The following MYO9B variants were observed in gnomAD, a reference collection of about 807,000 sequenced individuals.
The protein encoded by MYO9B is unconventional myosin-IXb.
MYO9B carries 71 observed loss-of-function variants against 229.5 expected under a neutral mutation model. That is an observed-to-expected ratio of 0.31 (90% CI 0.26 to 0.38). The LOEUF (loss-of-function observed/expected upper bound fraction) is 0.38. Ranked by LOEUF, MYO9B falls within the 10% of genes least tolerant of loss-of-function variation. The pLI is 1.00. For missense variants in MYO9B, 2,255 were observed against 2,920.5 expected, an observed-to-expected ratio of 0.77 and a Z score of 5.25; for synonymous variants, 1,185 against 1,235.8, an observed-to-expected ratio of 0.96 and a Z score of 0.86.
At chr19:17,151,530 C>T (rs896829125) in intron 3 of MYO9B, among the ~76,000 whole-genome samples, 2 of 152,138 alleles carry the variant, frequency 1.3e-5, no homozygotes, top group Non-Finnish European at 2.9e-5. Context: ...CCACAAAAGA[C>T]GTCAATGTAT....
chr19:17,085,845 T>C (rs2057577415), intron 1 of MYO9B, among the ~76,000 whole-genome samples: 1 of 152,130 alleles, frequency 6.6e-6, no homozygotes, highest in African/African-American at 2.4e-5. Flanking sequence ...ACAGATGAGC[T>C]GTGTGATTGC....
chr19:17,169,017 C>T (rs573727944), intron 11 of MYO9B, among the ~76,000 whole-genome samples: 5 of 152,052 alleles, frequency 3.3e-5, no homozygotes, highest in Non-Finnish European at 7.4e-5. Context: ...TCTAAGGAAC[C>T]GCTACAAGCC....
intron 1 of MYO9B, among the ~76,000 whole-genome samples, chr19:17,088,262 CAT>C (rs910060939): frequency 1.1e-4 from 16 of 152,240 alleles, no homozygotes; most frequent in African/African-American, 3.4e-4. Flanking sequence ...TCTGTGTGCA[CAT>C]GTCTCTTTTC....
chr19:17,196,329 C>T (rs929524443), intron 22 of MYO9B, among the ~76,000 whole-genome samples: 8 of 151,490 alleles, frequency 5.3e-5, no homozygotes, highest in African/African-American at 1.9e-4. Context: ...AGATAGAAGA[C>T]AGGTAGTAAT....
chr19:17,197,889 A>G (rs777723462), intron 23 of MYO9B, 31 bp downstream of exon 23: 1 of 1,609,596 alleles, frequency 6.2e-7, no homozygotes, highest in Non-Finnish European at 8.5e-7. Context: ...CCCCGTCTCC[A>G]CTAAAAATAC....
intron 2 of MYO9B, among the ~76,000 whole-genome samples, chr19:17,110,657 T>G (rs1324813070): frequency 6.6e-6 from 1 of 152,008 alleles, no homozygotes; most frequent in Admixed American, 6.6e-5. Context: ...TAAGGATCCT[T>G]GCTTGTCAGG....
chr19:17,086,120 T>G (rs1382798102), intron 1 of MYO9B, among the ~76,000 whole-genome samples: 1 of 152,190 alleles, frequency 6.6e-6, no homozygotes, highest in Admixed American at 6.5e-5. Flanking sequence ...GGTGACATTT[T>G]CTTAATGTCC....
chr19:17,195,612 G>A lies in MYO9B; in HGVS notation c.4046+139G>A, dbSNP rs2073034624. ...CGGGAGGCCTGAGGGAGGAGGACGAGCAGGACATGCTAAAGACCAAGTGAA... is the reference window on the plus strand; with the variant it reads ...CGGGAGGCCTGAGGGAGGAGGACGAACAGGACATGCTAAAGACCAAGTGAA... On this transcript the variant is annotated intron_variant, in intron 22 of 39. Transcript: ENST00000682292. The surrounding 1 kb of genome is among the most constrained non-coding windows in gnomAD (Gnocchi z 4.5). The A allele has an allele frequency of 4.4e-6, 5 of 1,146,014 alleles. No homozygotes were observed. Among genetic ancestry groups the A allele is most frequent in the Middle Eastern group, 2.9e-4 (1 of 3,494 alleles). 71.0% of individuals were successfully genotyped at this position (1,146,014 alleles called of 1,614,324 possible).
intron 2 of MYO9B, among the ~76,000 whole-genome samples, chr19:17,111,841 G>T (rs2057850775): frequency 6.6e-6 from 1 of 152,112 alleles, no homozygotes; most frequent in East Asian, 1.9e-4. Flanking sequence ...CTATGGATCT[G>T]CCTGTTCTGG....
At chr19:17,126,902 T>TC (rs1479083472) in intron 2 of MYO9B, among the ~76,000 whole-genome samples, 1 of 103,046 alleles carries the variant, frequency 9.7e-6, no homozygotes, top group Non-Finnish European at 2.0e-5. Flanking sequence ...GACCTTGTGA[T>TC]CCACCCCCAC....
chr19:17,115,950 TG>T (rs1273550075), intron 2 of MYO9B, among the ~76,000 whole-genome samples: 3 of 152,042 alleles, frequency 2.0e-5, no homozygotes, highest in African/African-American at 7.2e-5. Flanking sequence ...TAAAGCAGTT[TG>T]GGGAGTCAGG....
chr19:17,088,593 C>T (rs1274129639), intron 1 of MYO9B, among the ~76,000 whole-genome samples: 1 of 152,182 alleles, frequency 6.6e-6, no homozygotes, highest in African/African-American at 2.4e-5. Context: ...CCCACCAATT[C>T]CTGTGATGTC....
Position 17,194,913 on chromosome 19 carries a change from G to A in MYO9B, c.3486G>A (p.Gln1162=). The A allele has an allele frequency of 6.2e-7, 1 of 1,613,432 alleles. No homozygotes were observed. Among genetic ancestry groups the A allele is most frequent in the Non-Finnish European group, 8.5e-7 (1 of 1,179,900 alleles). ...GAGGGCTGGAGCACGTCAAGTTCCA[G>A]AACAAACACATCCAGTCCTGCAAGG... The part of the protein sequence containing the change: ...RQRGLEHVKF[Q]NKHIQSCKEE... The change falls in exon 22 of 40, where the codon CAG becomes CAA. Residue 1162 remains glutamine, a synonymous_variant. Coordinates refer to ENST00000682292, the MANE Select transcript of MYO9B (RefSeq NM_004145.4).
chr19:17,088,142 C>T (rs543504428), intron 1 of MYO9B, among the ~76,000 whole-genome samples: 3 of 152,332 alleles, frequency 2.0e-5, no homozygotes, highest in South Asian at 2.1e-4. Context: ...GGAGGCTCTA[C>T]GGGAGGACCC....
At chr19:17,174,620 G>A (rs1161943258) in intron 13 of MYO9B, among the ~76,000 whole-genome samples, 2 of 151,990 alleles carry the variant, frequency 1.3e-5, no homozygotes, top group African/African-American at 4.8e-5. Context: ...CTGGATGACA[G>A]AGCAAGACTC....
intron 2 of MYO9B, among the ~76,000 whole-genome samples, chr19:17,126,905 A>ACCCCCC (rs769082303): frequency 1.8e-4 from 18 of 101,450 alleles, no homozygotes; most frequent in South Asian, 7.0e-4. Context: ...CTTGTGATCC[A>ACCCCCC]CCCCCACCCC....
Position 17,101,642 on chromosome 19 carries a change from C to A in MYO9B, c.-58-18C>A. The A allele has an allele frequency of 6.8e-7, 1 of 1,468,296 alleles. No homozygotes were observed. The highest frequency in any genetic ancestry group is 9.0e-7 in the Non-Finnish European group (1 of 1,113,752). The allele number at this position is 1,468,296 out of a possible 1,614,324, so 91.0% of individuals were successfully genotyped here. A position where few individuals can be genotyped will look rare whatever the true frequency, so the allele number is the denominator to read the frequency against. On this transcript the variant is annotated intron_variant, in intron 1 of 39. Coordinates refer to ENST00000682292, the MANE Select transcript of MYO9B (RefSeq NM_004145.4). The surrounding 1 kb of genome is among the most constrained non-coding windows in gnomAD (Gnocchi z 4.7). ...CTCCCACCATTCTGACCATGCCTGG[C>A]TCTGACCTCCCTTCTAGCTCCAGGA...
At chr19:17,080,073 G>A (rs547958277) in intron 1 of MYO9B, among the ~76,000 whole-genome samples, 17 of 152,330 alleles carry the variant, frequency 1.1e-4, no homozygotes, top group Admixed American at 2.0e-4. Context: ...GCCCGAGCCC[G>A]ATGATAAATA....
intron 2 of MYO9B, among the ~76,000 whole-genome samples, chr19:17,119,477 A>C (rs8099879): frequency 0.67 from 102,206 of 151,986 alleles, 34,839 homozygotes; most frequent in East Asian, 0.85. Flanking sequence ...GAGGCCGAGG[A>C]GGGGAGCCTG....
Sources: allele counts gnomAD v4.1 joint callset (sites outside exome capture counted in the v4.1 genomes callset), GRCh38; gene constraint gnomAD v4.1.1; non-coding constraint Gnocchi (gnomAD v3.1); transcripts MANE v1.5; gene names NCBI Gene and HGNC (gene_info 2026-07-23, HGNC 2026-07-21).